The following FRMD5 variants were observed in gnomAD, a reference collection of about 807,000 sequenced individuals.
FRMD5 encodes the protein FERM domain containing 5, also known as FERM domain-containing protein 5.
FRMD5 carries 20 observed loss-of-function variants against 69.0 expected under a neutral mutation model. The observed-to-expected ratio is 0.29, with a 90% confidence interval of 0.20 to 0.42. The LOEUF (loss-of-function observed/expected upper bound fraction) is 0.42. Among genes scored for constraint, FRMD5 ranks in the 10% least tolerant of loss-of-function variants. The pLI, the probability that FRMD5 is intolerant of heterozygous loss-of-function variation, is 1.00. For missense variants in FRMD5, 595 were observed against 708.6 expected (o/e 0.84, Z 1.82); for synonymous variants, 271 against 260.1 (o/e 1.04, Z -0.40).
chr15:43,996,359 TCA>T (rs1029068051), intron 1 of FRMD5, among the ~76,000 whole-genome samples: 35 of 152,180 alleles, frequency 2.3e-4, no homozygotes, highest in Admixed American at 9.2e-4. Context: ...CGTCCGGTAC[TCA>T]CTCTCCTTCC....
intron 1 of FRMD5, among the ~76,000 whole-genome samples, chr15:43,971,196 T>C (rs2090370963): frequency 6.7e-6 from 1 of 148,890 alleles, no homozygotes; most frequent in African/African-American, 2.5e-5. Context: ...GCTGAGAGCA[T>C]GCCACTGCAC....
At chr15:43,989,407 G>A (rs549393092) in intron 1 of FRMD5, 31 of 784,926 alleles carry the variant, frequency 3.9e-5, no homozygotes, top group Middle Eastern at 4.7e-4. Context: ...CTGGAAGAGC[G>A]CCTCAGGGCA....
chr15:43,936,542 T>C (rs928248988), intron 1 of FRMD5, among the ~76,000 whole-genome samples: 5 of 152,120 alleles, frequency 3.3e-5, no homozygotes, highest in Admixed American at 6.6e-5. Flanking sequence ...GCTAATTACC[T>C]GATGAGCTCC....
At chr15:44,150,587 C>G in intron 1 of FRMD5, among the ~76,000 whole-genome samples, 1 of 150,754 alleles carries the variant, frequency 6.6e-6, no homozygotes, top group East Asian at 1.9e-4. Context: ...TGAGACCACA[C>G]TGGGCAACAC....
intron 1 of FRMD5, among the ~76,000 whole-genome samples, chr15:44,110,925 C>A (rs1339692181): frequency 6.6e-6 from 1 of 152,182 alleles, no homozygotes; most frequent in Non-Finnish European, 1.5e-5. Context: ...TTAAATATTA[C>A]ATTTATAACC....
intron 1 of FRMD5, among the ~76,000 whole-genome samples, chr15:43,981,922 A>G (rs767281282): frequency 1.3e-5 from 2 of 152,156 alleles, no homozygotes; most frequent in African/African-American, 4.8e-5. Context: ...CATATCTACA[A>G]TCTCTTTCAT....
chr15:44,053,082 C>T (rs532916018), intron 1 of FRMD5, among the ~76,000 whole-genome samples: 1 of 152,118 alleles, frequency 6.6e-6, no homozygotes, highest in African/African-American at 2.4e-5. Context: ...GATTAGGAGT[C>T]AGGGAAGGCT....
intron 1 of FRMD5, among the ~76,000 whole-genome samples, chr15:44,057,527 C>T (rs375327992): frequency 1.3e-5 from 2 of 152,288 alleles, no homozygotes; most frequent in East Asian, 1.9e-4. Flanking sequence ...GTAATCTAAT[C>T]GCCTTGCTTT....
At chr15:43,907,357 G>A (rs2089197877) in intron 5 of FRMD5, among the ~76,000 whole-genome samples, 1 of 152,112 alleles carries the variant, frequency 6.6e-6, no homozygotes, top group African/African-American at 2.4e-5. Context: ...TGAAGTCTGG[G>A]GTGACCTTGA....
chr15:44,129,675 C>T (rs1394766882), intron 1 of FRMD5, among the ~76,000 whole-genome samples: 1 of 152,166 alleles, frequency 6.6e-6, no homozygotes, highest in Admixed American at 6.5e-5. Flanking sequence ...TCAAGAGATA[C>T]TGTAGGATAG....
chr15:44,008,359 G>A (rs1027651643), intron 1 of FRMD5, among the ~76,000 whole-genome samples: 11 of 151,970 alleles, frequency 7.2e-5, no homozygotes, highest in Non-Finnish European at 1.0e-4. Flanking sequence ...TGCCTCCTGG[G>A]TTCAAGAGAT....
At chr15:44,015,066 T>A (rs1438513748) in intron 1 of FRMD5, among the ~76,000 whole-genome samples, 2 of 152,084 alleles carry the variant, frequency 1.3e-5, no homozygotes, top group African/African-American at 4.8e-5. Context: ...ATGCCTAACC[T>A]TGTGCCAAAT....
At chr15:43,961,162 C>T (rs2090193282) in intron 1 of FRMD5, among the ~76,000 whole-genome samples, 1 of 151,774 alleles carries the variant, frequency 6.6e-6, no homozygotes, top group South Asian at 2.1e-4. Context: ...GCTAGCAAGA[C>T]TAATAAAGAA....
chr15:44,106,021 A>G (rs764443980), intron 1 of FRMD5, among the ~76,000 whole-genome samples: 2 of 152,186 alleles, frequency 1.3e-5, no homozygotes, highest in Non-Finnish European at 2.9e-5. Context: ...ATGTAAATGT[A>G]TGTAAATGGT....
At chr15:44,046,992 A>G (rs1394530873) in intron 1 of FRMD5, among the ~76,000 whole-genome samples, 1 of 152,132 alleles carries the variant, frequency 6.6e-6, no homozygotes, top group Non-Finnish European at 1.5e-5. Flanking sequence ...CCTCTTAGGA[A>G]ATAATTCAAC....
At position 43,873,538 on chromosome 15, in the gene FRMD5, T is replaced by C. The variant is rs771635350; in HGVS notation, c.*347A>G. 47 of 1,389,876 alleles carry C rather than the reference T, an allele frequency of 3.4e-5. No individual in the cohort carries two copies. Among genetic ancestry groups the C allele is most frequent in the Non-Finnish European group, 4.4e-5 (47 of 1,070,684 alleles). 86.1% of individuals were successfully genotyped at this position (1,389,876 alleles called of 1,614,324 possible). On this transcript the variant is annotated 3_prime_UTR_variant, in exon 14 of 14. Transcript: ENST00000417257. The stretch of plus-strand genomic sequence containing the variant: ...ATACTACTGCAATAATCAGTAATAG[T>C]AAAATAAATTATTTTTATTTGATAC...
intron 8 of FRMD5, among the ~76,000 whole-genome samples, chr15:43,890,184 T>A (rs917672533): frequency 8.5e-5 from 13 of 152,176 alleles, no homozygotes; most frequent in African/African-American, 3.1e-4. Context: ...AATTGGTTAA[T>A]ATATAGACAA....
chr15:43,983,606 T>C (rs1488147381), intron 1 of FRMD5, among the ~76,000 whole-genome samples: 1 of 152,220 alleles, frequency 6.6e-6, no homozygotes, highest in African/African-American at 2.4e-5. Flanking sequence ...CACAATATGA[T>C]ACAGCCAAAA....
intron 1 of FRMD5, among the ~76,000 whole-genome samples, chr15:44,015,773 C>A (rs1046823326): frequency 1.3e-5 from 2 of 152,162 alleles, no homozygotes; most frequent in African/African-American, 4.8e-5. Context: ...AGAAAGGTTA[C>A]GTCATACTGA....
Sources: allele counts gnomAD v4.1 joint callset (sites outside exome capture counted in the v4.1 genomes callset), GRCh38; gene constraint gnomAD v4.1.1; transcripts MANE v1.5; gene names NCBI Gene and HGNC (gene_info 2026-07-23, HGNC 2026-07-21).